PGAP1: variants seen among roughly 807,000 people sequenced by gnomAD.
PGAP1 encodes GPI inositol-deacylase.
In PGAP1, 76 loss-of-function variants were observed where a neutral mutation model predicts 127.0. That is an observed-to-expected ratio of 0.60 (90% CI 0.50 to 0.72). The LOEUF (loss-of-function observed/expected upper bound fraction) is 0.72. PGAP1 is among the 30% of genes least tolerant of loss of function. The probability of loss-of-function intolerance (pLI) is 0.00; values close to 1 mark genes in which losing one functional copy is unlikely to be tolerated. For missense variants in PGAP1, 982 were observed against 1,071.3 expected, an observed-to-expected ratio of 0.92 and a Z score of 1.16; for synonymous variants, 362 against 366.5, an observed-to-expected ratio of 0.99 and a Z score of 0.14.
At chr2:196,921,784 A>G (rs1703201833) in intron 1 of PGAP1, among the ~76,000 whole-genome samples, 1 of 152,168 alleles carries the variant, frequency 6.6e-6, no homozygotes, top group African/African-American at 2.4e-5. Flanking sequence ...AATTTTTCAA[A>G]AAGTATGGAG....
chr2:196,873,261 C>A (rs1701461960), intron 16 of PGAP1, among the ~76,000 whole-genome samples: 1 of 151,838 alleles, frequency 6.6e-6, no homozygotes, highest in African/African-American at 2.4e-5. Context: ...TACTAAATAA[C>A]TAAATCTGAA....
In PGAP1 at chr2:196,851,074, G is replaced by C. The variant is rs538283401; in HGVS notation, c.1862-3037C>G. ...TTATAAGGGGAGAAAAAGAGATGGA[G>C]AACAGACCTTACAGATAAAGAAACA... On this transcript the variant is annotated intron_variant, in intron 20 of 26. Coordinates refer to ENST00000354764, the MANE Select transcript of PGAP1 (RefSeq NM_024989.4). Among the ~76,000 whole-genome samples, 3 of 151,960 alleles carry C rather than the reference G, an allele frequency of 2.0e-5. No individual in the cohort carries two copies. The South Asian group carries it at 6.2e-4, about 32-fold the overall frequency.
chr2:196,866,935 A>G (rs1393390746), intron 19 of PGAP1, among the ~76,000 whole-genome samples: 10 of 152,218 alleles, frequency 6.6e-5, no homozygotes, highest in Non-Finnish European at 1.0e-4. Flanking sequence ...CAACAATGAG[A>G]TACCATCTCA....
rs201928408 is a variant in PGAP1 at position 196,873,689 on chromosome 2, C to T, written c.1496G>A (p.Gly499Glu). Residue 499 changes from glycine (G) to glutamate (E), a missense_variant, in exon 15 of 27, where the codon GGA (glycine) becomes GAA (glutamate). By Grantham distance (98) the Gly-to-Glu change is moderately conservative. Coordinates refer to ENST00000354764, the MANE Select transcript of PGAP1 (RefSeq NM_024989.4). ...CTTGTAGTCAGGATTAATTACCTGT[C>T]CAAAGTTCAGAAGCTCTAGATTGTA... ...LYYNLELLNF[G>E]QIYQAFKINV... is the part of the protein sequence containing the mutation. 1.5e-4 allele frequency: 239 copies of T among 1,610,056 alleles called. No homozygotes were observed. Among genetic ancestry groups the T allele is most frequent in the Non-Finnish European group, 2.0e-4 (234 of 1,176,796 alleles).
chr2:196,834,679 GTT>G lies in PGAP1; in HGVS notation c.*6553_*6554del, dbSNP rs1379272151. On this transcript the variant is annotated 3_prime_UTR_variant, in exon 27 of 27. Coordinates refer to ENST00000354764, the MANE Select transcript of PGAP1 (RefSeq NM_024989.4). ...AATTTATATACAGTATAAATCGGGA[GTT>G]TTTTTTCCACTGCACAGTGGAGGAA... 1 of 151,636 alleles carries G rather than the reference GTT, an allele frequency of 6.6e-6. No individual in the cohort carries two copies. The highest frequency in any genetic ancestry group is 2.4e-5 in the African/African-American group (1 of 41,340). 9.4% of individuals were successfully genotyped at this position (151,636 alleles called of 1,614,324 possible).
intron 1 of PGAP1, among the ~76,000 whole-genome samples, chr2:196,921,072 T>C (rs1703177356): frequency 6.6e-6 from 1 of 151,988 alleles, no homozygotes; most frequent in Admixed American, 6.6e-5. Context: ...TATTTAGGTA[T>C]ACATAGATCT....
intron 25 of PGAP1, among the ~76,000 whole-genome samples, chr2:196,843,174 G>T (rs1700462631): frequency 6.6e-6 from 1 of 152,000 alleles, no homozygotes; most frequent in Admixed American, 6.6e-5. Context: ...AAGATAAAAT[G>T]AAGGTTCATG....
At chr2:196,924,533 T>TACAATA (rs2125844109) in intron 1 of PGAP1, among the ~76,000 whole-genome samples, 1 of 152,238 alleles carries the variant, frequency 6.6e-6, no homozygotes, top group Non-Finnish European at 1.5e-5. Context: ...ACAAAAAGAC[T>TACAATA]TAAGAATACA....
intron 26 of PGAP1, among the ~76,000 whole-genome samples, chr2:196,842,013 C>G (rs1359554132): frequency 6.7e-6 from 1 of 150,334 alleles, no homozygotes; most frequent in African/African-American, 2.4e-5. Context: ...TTCAATAAGA[C>G]ATAGCTACAG....
Position 196,836,178 on chromosome 2 carries a change from T to C in PGAP1, c.*5056A>G, listed in dbSNP as rs1700231959. 6.6e-6 allele frequency: 1 copy of C among 152,522 alleles called. No individual in the cohort carries two copies. Among genetic ancestry groups the C allele is most frequent in the Non-Finnish European group, 1.5e-5 (1 of 67,948 alleles). 9.4% of individuals were successfully genotyped at this position (152,522 alleles called of 1,614,324 possible). ...GACAGATTCTGACTCATATATCAAG[T>C]CCTATACAAAGTCTTCAGAAATTAA... On this transcript the variant is annotated 3_prime_UTR_variant, in exon 27 of 27. Transcript: ENST00000354764.
chr2:196,848,009 C>A lies in PGAP1; in HGVS notation c.1890G>T (p.Leu630Phe). ...CTTTGTATGGTTTGGCTTCTTTATC[C>A]AACATGGTAGCATATTCTAAGCAAC... ...TGCCLEYATM[L>F]DKEAKPYKVD... Residue 630 changes from leucine to phenylalanine, a missense_variant, in exon 21 of 27, where the codon TTG (leucine) becomes TTT (phenylalanine). Transcript: ENST00000354764. 6.2e-7 allele frequency: 1 copy of A among 1,600,622 alleles called. No individual in the cohort carries two copies. Among genetic ancestry groups the A allele is most frequent in the Non-Finnish European group, 8.5e-7 (1 of 1,175,064 alleles).
intron 20 of PGAP1, among the ~76,000 whole-genome samples, chr2:196,861,918 C>T (rs999625060): frequency 3.3e-5 from 5 of 150,632 alleles, no homozygotes; most frequent in Admixed American, 1.3e-4. Context: ...CCTGTCATCT[C>T]GTAAGCCGAG....
intron 2 of PGAP1, 116 bp from the exon 3 acceptor site, chr2:196,916,709 T>C: frequency 9.6e-7 from 1 of 1,037,442 alleles, no homozygotes; most frequent in Non-Finnish European, 1.3e-6. Context: ...AAACCACCTA[T>C]TTCAGGATGA....
chr2:196,849,486 G>A (rs973521031), intron 20 of PGAP1, among the ~76,000 whole-genome samples: 1 of 151,280 alleles, frequency 6.6e-6, no homozygotes, highest in African/African-American at 2.4e-5. Flanking sequence ...GTGTTAGCTA[G>A]GATGGTCTGG....
chr2:196,898,075 G>A (rs376085959), intron 6 of PGAP1, among the ~76,000 whole-genome samples: 11 of 152,224 alleles, frequency 7.2e-5, no homozygotes, highest in Admixed American at 2.6e-4. Context: ...AAAATTAGCC[G>A]GCATGATGGC....
At chr2:196,925,288 C>T (rs1703325283) in intron 1 of PGAP1, among the ~76,000 whole-genome samples, 1 of 151,936 alleles carries the variant, frequency 6.6e-6, no homozygotes, top group African/African-American at 2.4e-5. Context: ...ATAATAGCAG[C>T]GTAATCAAGT....
At chr2:196,875,268 C>T (rs73064955) in intron 14 of PGAP1, among the ~76,000 whole-genome samples, 15,523 of 152,080 alleles carry the variant, frequency 0.1, 952 homozygotes, top group African/African-American at 0.17. Flanking sequence ...TGCACCAATG[C>T]TAATTTCTTA....
At chr2:196,864,716 G>T (rs1400019341) in intron 20 of PGAP1, among the ~76,000 whole-genome samples, 1 of 152,006 alleles carries the variant, frequency 6.6e-6, no homozygotes, top group African/African-American at 2.4e-5. Flanking sequence ...TGGGATTGGT[G>T]GTTGATAGTG....
chr2:196,889,615 G>C (rs957495897), intron 10 of PGAP1, among the ~76,000 whole-genome samples: 1 of 151,878 alleles, frequency 6.6e-6, no homozygotes, highest in Admixed American at 6.6e-5. Flanking sequence ...CCAGCACTTT[G>C]GGAGGCCGAG....
Sources: allele counts gnomAD v4.1 joint callset (sites outside exome capture counted in the v4.1 genomes callset), GRCh38; gene constraint gnomAD v4.1.1; transcripts MANE v1.5; gene names NCBI Gene and HGNC (gene_info 2026-07-23, HGNC 2026-07-21).